FNIP2: variants seen among roughly 807,000 people sequenced by gnomAD.
FNIP2 encodes folliculin interacting protein 2.
FNIP2 carries 32 observed loss-of-function variants against 108.7 expected under a neutral mutation model. The observed-to-expected ratio is 0.29, with a 90% confidence interval of 0.22 to 0.40. The LOEUF (loss-of-function observed/expected upper bound fraction) is 0.40. Among genes scored for constraint, FNIP2 ranks in the 10% least tolerant of loss-of-function variants. FNIP2 has a pLI of 1.00. For synonymous variants in FNIP2, 480 were observed against 496.7 expected (o/e 0.97, Z 0.45); for missense variants, 1,202 against 1,381.6 (o/e 0.87, Z 2.06).
chr4:158,852,051 A>G (rs1234507261), intron 8 of FNIP2, among the ~76,000 whole-genome samples: 1 of 152,232 alleles, frequency 6.6e-6, no homozygotes, highest in Non-Finnish European at 1.5e-5. Context: ...TGTACCTATA[A>G]AAATTCACAT....
intron 1 of FNIP2, among the ~76,000 whole-genome samples, chr4:158,788,261 C>G (rs765815086): frequency 2.6e-5 from 4 of 152,234 alleles, no homozygotes; most frequent in Non-Finnish European, 4.4e-5. Context: ...TTCACAGACT[C>G]ATTGCACTGA....
intron 12 of FNIP2, among the ~76,000 whole-genome samples, chr4:158,867,776 G>A (rs951760896): frequency 6.6e-6 from 1 of 152,170 alleles, no homozygotes; most frequent in Admixed American, 6.5e-5. Context: ...CATATTCAGA[G>A]CTCTGGCTTT....
At chr4:158,828,528 A>G (rs538742356) in intron 2 of FNIP2, among the ~76,000 whole-genome samples, 5 of 152,262 alleles carry the variant, frequency 3.3e-5, no homozygotes, top group African/African-American at 9.6e-5. Context: ...AGACAGGAGA[A>G]TTGCTTGAAC....
At chr4:158,790,011 C>T (rs906392188) in intron 1 of FNIP2, among the ~76,000 whole-genome samples, 6 of 151,990 alleles carry the variant, frequency 3.9e-5, no homozygotes, top group African/African-American at 1.4e-4. Context: ...AAATTCCACA[C>T]CTGACCTTAT....
At chr4:158,776,441 ACT>A (rs911712804) in intron 1 of FNIP2, among the ~76,000 whole-genome samples, 1 of 151,990 alleles carries the variant, frequency 6.6e-6, no homozygotes, top group Non-Finnish European at 1.5e-5. Context: ...CAGACTGCCA[ACT>A]CTCTCTCTGA....
In FNIP2 at chr4:158,864,958, C is replaced by G. The variant is rs866326985; in HGVS notation, c.1466-3144C>G. ...CTGTCTGTTCCTCTGCTCTCTCCGT[C>G]TCTCCCTCCCTGAGTCTCCACTCTG... On this transcript the variant is annotated intron_variant, in intron 12 of 16. Transcript: ENST00000264433. Among the ~76,000 whole-genome samples, 7 of 152,098 alleles carry G rather than the reference C, an allele frequency of 4.6e-5. 1 individual carries two copies. Among genetic ancestry groups the G allele is most frequent in the Middle Eastern group, 3.4e-3 (1 of 294 alleles).
rs767094237 is a variant in FNIP2, at chr4:158,832,001, G to A, written c.482+40G>A. On this transcript the variant is annotated intron_variant, in intron 4 of 16. Coordinates refer to ENST00000264433, the MANE Select transcript of FNIP2 (RefSeq NM_020840.3). Reference sequence around the variant, plus strand: ...CCTTTTCTACTAGTTTTGAGAAGTGGAACGGTGGTATTGACTCCTTAACTC... The same window carrying A: ...CCTTTTCTACTAGTTTTGAGAAGTGAAACGGTGGTATTGACTCCTTAACTC... 4.4e-6 allele frequency: 7 copies of A among 1,599,800 alleles called. No homozygotes were observed. The Admixed American group carries it at 1.2e-4, about 27-fold the overall frequency.
intron 14 of FNIP2, among the ~76,000 whole-genome samples, chr4:158,881,871 AC>A (rs1781661646): frequency 1.3e-5 from 2 of 151,486 alleles, no homozygotes; most frequent in Admixed American, 6.6e-5. Flanking sequence ...CCTGGCCGCC[AC>A]CCCGTCTGGG....
At chr4:158,850,526 T>A (rs1779639678) in intron 7 of FNIP2, among the ~76,000 whole-genome samples, 1 of 150,962 alleles carries the variant, frequency 6.6e-6, no homozygotes, top group African/African-American at 2.4e-5. Context: ...ATCTAATATG[T>A]AGCAGGAGGA....
intron 1 of FNIP2, among the ~76,000 whole-genome samples, chr4:158,785,523 C>G (rs1021005413): frequency 6.6e-6 from 1 of 151,982 alleles, no homozygotes; most frequent in African/African-American, 2.4e-5. Flanking sequence ...GAGATGAGGT[C>G]TTGCTATATT....
At chr4:158,784,670 C>T (rs931373909) in intron 1 of FNIP2, among the ~76,000 whole-genome samples, 8 of 152,140 alleles carry the variant, frequency 5.3e-5, no homozygotes, top group Admixed American at 4.6e-4. Context: ...CTCGCGTGCG[C>T]AGTTCATAAT....
chr4:158,838,754 T>G (rs1337263330), intron 7 of FNIP2, among the ~76,000 whole-genome samples: 4 of 151,998 alleles, frequency 2.6e-5, no homozygotes, highest in Admixed American at 1.3e-4. Flanking sequence ...AAGTCCACAG[T>G]TTTTTTTATT....
chr4:158,875,683 C>T (rs1006051194), intron 14 of FNIP2, among the ~76,000 whole-genome samples: 1 of 151,882 alleles, frequency 6.6e-6, no homozygotes, highest in Non-Finnish European at 1.5e-5. Flanking sequence ...ACCTTAAAAT[C>T]AATAGGATAC....
intron 12 of FNIP2, among the ~76,000 whole-genome samples, chr4:158,866,288 G>A (rs1406810757): frequency 1.6e-5 from 2 of 125,762 alleles, no homozygotes; most frequent in Admixed American, 9.9e-5. Flanking sequence ...GCGTGATCTC[G>A]GCTCACTGCA....
intron 12 of FNIP2, among the ~76,000 whole-genome samples, chr4:158,867,506 A>G (rs1780649744): frequency 6.6e-6 from 1 of 152,220 alleles, no homozygotes. Context: ...TGAATTTTCA[A>G]GCGAAATGAA....
At chr4:158,841,264 A>C (rs191800528) in intron 7 of FNIP2, among the ~76,000 whole-genome samples, 95 of 152,260 alleles carry the variant, frequency 6.2e-4, no homozygotes, top group African/African-American at 2.3e-3. Context: ...GGCTGGGGTG[A>C]GGGTTCCTGC....
intron 1 of FNIP2, among the ~76,000 whole-genome samples, chr4:158,803,215 A>C (rs1173778914): frequency 2.6e-5 from 4 of 152,248 alleles, no homozygotes; most frequent in African/African-American, 9.6e-5. Context: ...TGATACATGG[A>C]TGAACTGTAG....
chr4:158,872,733 T>A, intron 14 of FNIP2: 1 of 979,194 alleles, frequency 1.0e-6, no homozygotes. Flanking sequence ...TCTATGGTAG[T>A]GTTTTTTTTT....
chr4:158,840,195 G>T (rs1396198350), intron 7 of FNIP2, among the ~76,000 whole-genome samples: 1 of 152,146 alleles, frequency 6.6e-6, no homozygotes, highest in Non-Finnish European at 1.5e-5. Context: ...AGTGGAAGGT[G>T]AGCATTATCC....
Sources: gnomAD v4.1 joint callset for allele counts (sites outside exome capture counted in the v4.1 genomes callset) on GRCh38, gnomAD v4.1.1 for gene constraint, MANE v1.5 for transcripts, NCBI Gene and HGNC (gene_info 2026-07-23, HGNC 2026-07-21) for gene names.